The following LUZP2 variants were observed in gnomAD, a reference collection of about 807,000 sequenced individuals.
LUZP2 encodes the protein leucine zipper protein 2.
LUZP2 carries 52 observed loss-of-function variants against 51.6 expected under a neutral mutation model. That is an observed-to-expected ratio of 1.01 (90% CI 0.81 to 1.27). The LOEUF (loss-of-function observed/expected upper bound fraction) is 1.27. Ranked by LOEUF, LUZP2 falls within the 50% of genes most tolerant of loss-of-function variation. LUZP2 has a pLI of 0.00. For missense variants in LUZP2, 436 were observed against 395.4 expected (o/e 1.10, Z -0.87); for synonymous variants, 154 against 137.3 (o/e 1.12, Z -0.85).
rs758257116 is a variant in LUZP2, at chr11:24,729,209, T to C, written c.103T>C (p.Phe35Leu). 2 of 1,578,480 alleles carry C rather than the reference T, an allele frequency of 1.3e-6. No individual in the cohort carries two copies. Among genetic ancestry groups the C allele is most frequent in the African/African-American group, 2.7e-5 (2 of 73,824 alleles). The stretch of plus-strand genomic sequence containing the variant: ...GCTAGAAAAGCAGCTGAAAGAAGTC[T>C]TTAAGGAGCGAAGCACCATTCTTCG... ...EELEKQLKEV[F>L]KERSTILRQL... is the part of the protein sequence containing the mutation. The change falls in exon 2 of 12, where the codon TTT (phenylalanine) becomes CTT (leucine). Residue 35 changes from phenylalanine (F) to leucine (L), a missense_variant. Physicochemically the swap from Phe to Leu is conservative, Grantham distance 22. Transcript: ENST00000336930.
Position 24,664,034 on chromosome 11 carries a change from G to C in LUZP2, c.63-65135G>C, listed in dbSNP as rs146034544. Reference sequence around the variant, plus strand: ...GAAGTAATACAGTAAATTGGTACCAGGTAGAACGGTGTTGCTATAAGGATA... The same window carrying C: ...GAAGTAATACAGTAAATTGGTACCACGTAGAACGGTGTTGCTATAAGGATA... On this transcript the variant is annotated intron_variant, in intron 1 of 11. Transcript: ENST00000336930. Among the ~76,000 whole-genome samples, 710 of 152,208 alleles carry C rather than the reference G, an allele frequency of 4.7e-3. 25 individuals carry two copies. The highest frequency in any genetic ancestry group is 0.044 in the Admixed American group (670 of 15,278).
At chr11:24,699,264 G>C (rs190336288) in intron 1 of LUZP2, among the ~76,000 whole-genome samples, 14 of 152,082 alleles carry the variant, frequency 9.2e-5, no homozygotes. Context: ...GTTTGTTCTT[G>C]CTTCAATTTT....
At chr11:24,848,418 T>G (rs1204160189) in intron 5 of LUZP2, among the ~76,000 whole-genome samples, 1 of 152,186 alleles carries the variant, frequency 6.6e-6, no homozygotes, top group Non-Finnish European at 1.5e-5. Flanking sequence ...GATAGCCACC[T>G]CATTACCTCT....
At chr11:24,880,029 C>A (rs777835556) in intron 5 of LUZP2, among the ~76,000 whole-genome samples, 1 of 152,146 alleles carries the variant, frequency 6.6e-6, no homozygotes, top group South Asian at 2.1e-4. Context: ...TAGGGCTTGC[C>A]TAGGAGTTGT....
At chr11:24,532,090 C>T (rs1162591210) in intron 1 of LUZP2, among the ~76,000 whole-genome samples, 2 of 150,788 alleles carry the variant, frequency 1.3e-5, no homozygotes, top group African/African-American at 4.8e-5. Flanking sequence ...ATTATAACCA[C>T]ATTCACTTTA....
At chr11:24,678,133 T>G (rs1193747667) in intron 1 of LUZP2, among the ~76,000 whole-genome samples, 1 of 152,026 alleles carries the variant, frequency 6.6e-6, no homozygotes, top group African/African-American at 2.4e-5. Context: ...GTTTTTGACT[T>G]TTTTTATTTG....
chr11:24,947,120 A>G (rs1370761984), intron 7 of LUZP2, among the ~76,000 whole-genome samples: 1 of 152,028 alleles, frequency 6.6e-6, no homozygotes, highest in African/African-American at 2.4e-5. Flanking sequence ...CCAATAACAT[A>G]AACAGTCAAT....
At chr11:24,626,752 T>C (rs563142251) in intron 1 of LUZP2, among the ~76,000 whole-genome samples, 1 of 148,492 alleles carries the variant, frequency 6.7e-6, no homozygotes, top group African/African-American at 2.5e-5. Context: ...AAATCAATAC[T>C]GAGAAGATAG....
At chr11:24,845,722 A>G (rs1387132089) in intron 5 of LUZP2, among the ~76,000 whole-genome samples, 1 of 151,708 alleles carries the variant, frequency 6.6e-6, no homozygotes, top group East Asian at 1.9e-4. Context: ...GTTTTAAAAA[A>G]CAGGAGTTTT....
intron 5 of LUZP2, among the ~76,000 whole-genome samples, chr11:24,802,174 G>A (rs1734608134): frequency 6.6e-6 from 1 of 151,960 alleles, no homozygotes; most frequent in African/African-American, 2.4e-5. Context: ...CATACAATAT[G>A]CAGTCTATTA....
chr11:24,740,053 A>C (rs531076279), intron 4 of LUZP2, among the ~76,000 whole-genome samples: 29 of 152,130 alleles, frequency 1.9e-4, no homozygotes, highest in Non-Finnish European at 3.7e-4. Flanking sequence ...TGCCGTGACT[A>C]ATCATATTTA....
intron 5 of LUZP2, among the ~76,000 whole-genome samples, chr11:24,772,476 T>C (rs1848772924): frequency 6.6e-6 from 1 of 152,204 alleles, no homozygotes; most frequent in Admixed American, 6.5e-5. Context: ...AAGAGGTTTT[T>C]AAGATATTTA....
At chr11:24,744,370 A>C (rs913258132) in intron 4 of LUZP2, among the ~76,000 whole-genome samples, 4 of 152,060 alleles carry the variant, frequency 2.6e-5, no homozygotes, top group Non-Finnish European at 5.9e-5. Flanking sequence ...TTTTTTAATT[A>C]CCATTTCAAT....
chr11:24,627,237 C>A (rs184335847), intron 1 of LUZP2, among the ~76,000 whole-genome samples: 2 of 152,132 alleles, frequency 1.3e-5, no homozygotes, highest in East Asian at 3.9e-4. Flanking sequence ...CAGACATAGG[C>A]AAAGGTTTGT....
At chr11:24,744,617 G>A (rs556624928) in intron 4 of LUZP2, among the ~76,000 whole-genome samples, 9 of 151,962 alleles carry the variant, frequency 5.9e-5, no homozygotes, top group Middle Eastern at 3.4e-3. Flanking sequence ...TTGGTTAATC[G>A]TGCTAATATT....
At chr11:24,784,286 A>C (rs758284096) in intron 5 of LUZP2, among the ~76,000 whole-genome samples, 1 of 151,558 alleles carries the variant, frequency 6.6e-6, no homozygotes, top group African/African-American at 2.4e-5. Flanking sequence ...TTTATTTTTT[A>C]TTACCATTAA....
chr11:24,918,992 T>C (rs1001118661), intron 7 of LUZP2, among the ~76,000 whole-genome samples: 2 of 132,328 alleles, frequency 1.5e-5, no homozygotes, highest in Admixed American at 8.2e-5. Flanking sequence ...TATATATCCA[T>C]AATATGTATT....
At chr11:24,577,481 A>G (rs1852690848) in intron 1 of LUZP2, among the ~76,000 whole-genome samples, 1 of 152,130 alleles carries the variant, frequency 6.6e-6, no homozygotes, top group Admixed American at 6.6e-5. Context: ...TTTCATGATT[A>G]GTTGTATTAC....
chr11:24,918,015 C>G, intron 7 of LUZP2, among the ~76,000 whole-genome samples: 1 of 152,084 alleles, frequency 6.6e-6, no homozygotes. Flanking sequence ...TTTCGTTGAG[C>G]AGTGGTTTGT....
Sources: gnomAD v4.1 joint callset for allele counts (sites outside exome capture counted in the v4.1 genomes callset) on GRCh38, gnomAD v4.1.1 for gene constraint, MANE v1.5 for transcripts, NCBI Gene and HGNC (gene_info 2026-07-23, HGNC 2026-07-21) for gene names.